Variants in FAM78B observed in about 807,000 individuals in gnomAD.
FAM78B encodes family with sequence similarity 78 member B.
A neutral mutation model predicts 20.0 loss-of-function variants in FAM78B; 10 were observed. That is an observed-to-expected ratio of 0.50 (90% CI 0.31 to 0.85). The LOEUF is 0.85. Among genes scored for constraint, FAM78B ranks in the 40% least tolerant of loss-of-function variants. The pLI, the probability that FAM78B is intolerant of heterozygous loss-of-function variation, is 0.05. For missense variants in FAM78B, 283 were observed against 345.0 expected, an observed-to-expected ratio of 0.82 and a Z score of 1.42; for synonymous variants, 135 against 132.8, an observed-to-expected ratio of 1.02 and a Z score of -0.12.
At chr1:166,081,460 C>T (rs1652572114) in intron 1 of FAM78B, among the ~76,000 whole-genome samples, 1 of 152,134 alleles carries the variant, frequency 6.6e-6, no homozygotes, top group South Asian at 2.1e-4. Context: ...CTTCCGACTC[C>T]AATTCTGAGT....
chr1:166,084,205 C>CCACACACACACACACACA (rs374157991), intron 1 of FAM78B, among the ~76,000 whole-genome samples: 27 of 121,154 alleles, frequency 2.2e-4, no homozygotes, highest in East Asian at 1.7e-3. Context: ...GATGTAGAAA[C>CCACACACACACACACACA]CACACACACA....
chr1:166,063,506 C>T (rs1445293714), intron 2 of FAM78B, among the ~76,000 whole-genome samples: 1 of 152,176 alleles, frequency 6.6e-6, no homozygotes, highest in East Asian at 1.9e-4. Flanking sequence ...CCTTCTTAAA[C>T]ACTGGATCTT....
intron 1 of FAM78B, among the ~76,000 whole-genome samples, chr1:166,072,142 G>A (rs1045327669): frequency 6.6e-6 from 1 of 152,190 alleles, no homozygotes; most frequent in African/African-American, 2.4e-5. Context: ...TTTTATACAA[G>A]TTGTCTTAAA....
At chr1:166,149,378 T>G (rs1335580768) in intron 1 of FAM78B, among the ~76,000 whole-genome samples, 1 of 152,228 alleles carries the variant, frequency 6.6e-6, no homozygotes, top group Admixed American at 6.5e-5. Context: ...CAATTCCTTT[T>G]TACCTCTTTT....
At chr1:166,151,535 C>T (rs1438005095) in intron 1 of FAM78B, among the ~76,000 whole-genome samples, 1 of 152,210 alleles carries the variant, frequency 6.6e-6, no homozygotes, top group African/African-American at 2.4e-5. Context: ...TCCTGCTTTT[C>T]TTGGCTCAGC....
chr1:166,092,267 A>G (rs754447359), intron 1 of FAM78B, among the ~76,000 whole-genome samples: 2 of 152,240 alleles, frequency 1.3e-5, no homozygotes, highest in Non-Finnish European at 2.9e-5. Flanking sequence ...AAAGTGTGGC[A>G]GTATCCCTTG....
chr1:166,138,990 G>GTTGTC (rs1258818168), intron 1 of FAM78B, among the ~76,000 whole-genome samples: 1 of 152,186 alleles, frequency 6.6e-6, no homozygotes, highest in Non-Finnish European at 1.5e-5. Context: ...TGTTCCCTGA[G>GTTGTC]TTGTCTCCCT....
intron 1 of FAM78B, among the ~76,000 whole-genome samples, chr1:166,124,391 C>T (rs777339254): frequency 3.3e-5 from 5 of 152,194 alleles, no homozygotes; most frequent in Admixed American, 6.5e-5. Context: ...AACAAACACA[C>T]GTAGCACTTA....
At chr1:166,159,585 C>T (rs1011021858) in intron 1 of FAM78B, among the ~76,000 whole-genome samples, 16 of 152,134 alleles carry the variant, frequency 1.1e-4, no homozygotes, top group African/African-American at 3.6e-4. Flanking sequence ...CCTAAAACAG[C>T]ATTTGTCCCT....
At chr1:166,158,820 C>T (rs777689283) in intron 1 of FAM78B, among the ~76,000 whole-genome samples, 36 of 152,242 alleles carry the variant, frequency 2.4e-4, no homozygotes, top group Non-Finnish European at 4.4e-4. Context: ...CCAATCCCTT[C>T]CACGGACCCT....
At chr1:166,120,171 G>A (rs1319376064) in intron 1 of FAM78B, among the ~76,000 whole-genome samples, 1 of 152,188 alleles carries the variant, frequency 6.6e-6, no homozygotes, top group African/African-American at 2.4e-5. Context: ...TGTGCTGGGG[G>A]CTTTACATAT....
At chr1:166,080,889 C>G (rs574264508) in intron 1 of FAM78B, among the ~76,000 whole-genome samples, 14 of 152,352 alleles carry the variant, frequency 9.2e-5, no homozygotes, top group African/African-American at 1.7e-4. Context: ...AGGCTGGGGT[C>G]AGAGGGGAGC....
At position 166,166,341 on chromosome 1, in the gene FAM78B, G is replaced by T; in HGVS notation, c.-93C>A. 9.8e-7 allele frequency: 1 copy of T among 1,021,386 alleles called. No individual in the cohort carries two copies. The highest frequency in any genetic ancestry group is 1.2e-6 in the Non-Finnish European group (1 of 846,714). The allele number at this position is 1,021,386 out of a possible 1,614,324, so 63.3% of individuals were successfully genotyped here. A position where few individuals can be genotyped will look rare whatever the true frequency, so the allele number is the denominator to read the frequency against. On this transcript the variant is annotated 5_prime_UTR_variant, in exon 1 of 2. Transcript: ENST00000354422. ...GCCCGTCACGCCGGCATGGCGACGC[G>T]CCGCTCGCTCCCGGTCAGACTCAGC... is the stretch of plus-strand genomic sequence containing the variant.
intron 2 of FAM78B, among the ~76,000 whole-genome samples, chr1:166,063,264 T>C (rs1031631503): frequency 5.3e-5 from 8 of 152,216 alleles, no homozygotes; most frequent in African/African-American, 1.9e-4. Flanking sequence ...ACAGACTTGT[T>C]GACAGAACAA....
chr1:166,056,554 T>A (rs1651351763), downstream of FAM78B, among the ~76,000 whole-genome samples: 1 of 152,118 alleles, frequency 6.6e-6, no homozygotes, highest in Non-Finnish European at 1.5e-5. Context: ...ACCATTTACG[T>A]ATACCAACAC....
chr1:166,123,159 C>T (rs1338548484), intron 1 of FAM78B, among the ~76,000 whole-genome samples: 1 of 152,240 alleles, frequency 6.6e-6, no homozygotes, highest in Non-Finnish European at 1.5e-5. Context: ...AAGTGGAGAA[C>T]AGATGTCTCT....
chr1:166,114,634 G>T (rs1654189010), intron 1 of FAM78B, among the ~76,000 whole-genome samples: 1 of 152,190 alleles, frequency 6.6e-6, no homozygotes, highest in East Asian at 1.9e-4. Context: ...GGTCCATCCT[G>T]CATTAGAACA....
intron 1 of FAM78B, among the ~76,000 whole-genome samples, chr1:166,097,214 G>A (rs1353405006): frequency 2.6e-5 from 4 of 152,334 alleles, no homozygotes; most frequent in African/African-American, 9.6e-5. Flanking sequence ...AAAGGCCCTG[G>A]GAGCTTGCTG....
At chr1:166,093,523 G>A (rs1653158617) in intron 1 of FAM78B, among the ~76,000 whole-genome samples, 1 of 152,168 alleles carries the variant, frequency 6.6e-6, no homozygotes, top group Non-Finnish European at 1.5e-5. Flanking sequence ...TAGGACCATG[G>A]ATCCCCATTT....
Sources: gnomAD v4.1 joint callset for allele counts (sites outside exome capture counted in the v4.1 genomes callset) on GRCh38, gnomAD v4.1.1 for gene constraint, MANE v1.5 for transcripts, NCBI Gene and HGNC (gene_info 2026-07-23, HGNC 2026-07-21) for gene names.